The following KCNC4 variants were observed in gnomAD, a reference collection of about 807,000 sequenced individuals.
The protein encoded by KCNC4 is potassium voltage-gated channel subfamily C member 4, also known as voltage-gated potassium channel KCNC4.
Under a neutral mutation model 42.8 loss-of-function variants are expected in KCNC4, and 23 were observed. The ratio of observed to expected loss-of-function variants is 0.54; its 90% CI spans 0.39 to 0.76. The LOEUF (loss-of-function observed/expected upper bound fraction) is 0.76, where lower values mean the gene tolerates loss of function less well. Among genes scored for constraint, KCNC4 ranks in the 30% least tolerant of loss-of-function variants. The pLI is 0.00. For missense variants in KCNC4, 751 were observed against 898.2 expected, an observed-to-expected ratio of 0.84 and a Z score of 2.10; for synonymous variants, 422 against 393.5, an observed-to-expected ratio of 1.07 and a Z score of -0.86.
Position 110,223,699 on chromosome 1 carries a change from G to A in KCNC4, c.1414G>A (p.Val472Ile), listed in dbSNP as rs770301734. 6 of 1,614,056 alleles carry A rather than the reference G, an allele frequency of 3.7e-6. No individual in the cohort carries two copies. Among genetic ancestry groups the A allele is most frequent in the South Asian group, 1.1e-5 (1 of 91,084 alleles). ...CATCGCCATGCCGGTGCCTGTCATC[G>A]TCAACAACTTCGGCATGTACTACTC... is the stretch of plus-strand genomic sequence containing the variant. ...LTIAMPVPVIVNNFGMYYSLA... is the reference protein window; with the variant it reads ...LTIAMPVPVIINNFGMYYSLA... The change falls in exon 2 of 4, where the codon GTC (valine) becomes ATC (isoleucine). Residue 472 changes from valine to isoleucine, a missense_variant. Physicochemically the swap from Val to Ile is conservative, Grantham distance 29. This residue lies in a region of KCNC4 where 185 missense variants were observed against 293.7 expected (regional missense o/e 0.63). Coordinates refer to ENST00000438661, the MANE Select transcript of KCNC4 (RefSeq NM_001039574.3). The surrounding 1 kb of genome is among the most constrained non-coding windows in gnomAD (Gnocchi z 7.5).
downstream of KCNC4, among the ~76,000 whole-genome samples, chr1:110,252,962 T>A (rs189281506): frequency 5.9e-5 from 9 of 152,304 alleles, no homozygotes; most frequent in East Asian, 1.5e-3. Flanking sequence ...CTCCCCAGCG[T>A]ATGTTTGTGA....
chr1:110,241,231 C>G, exon 4 of KCNC4: 1 of 152,280 alleles, frequency 6.6e-6, no homozygotes, highest in East Asian at 1.9e-4. Context: ...TTGCTAACTA[C>G]TGTCCCCTTA....
At chr1:110,250,826 G>A (rs542941482), downstream of KCNC4, among the ~76,000 whole-genome samples, 8 of 152,266 alleles carry the variant, frequency 5.3e-5, no homozygotes, top group South Asian at 2.1e-4. Context: ...GGAGAGGAGC[G>A]GCTGGGGTAG....
chr1:110,239,845 C>T (rs1184820140), exon 4 of KCNC4: 1 of 152,190 alleles, frequency 6.6e-6, no homozygotes, highest in Non-Finnish European at 1.5e-5. Flanking sequence ...CCATTTTCTA[C>T]CTGGTACTTT....
intron 3 of KCNC4, among the ~76,000 whole-genome samples, chr1:110,230,502 G>A (rs1178675575): frequency 1.3e-5 from 2 of 152,300 alleles, no homozygotes; most frequent in Admixed American, 1.3e-4. Flanking sequence ...TCAGGGAACC[G>A]AGGCCGCTAT....
intron 1 of KCNC4, among the ~76,000 whole-genome samples, chr1:110,280,147 A>G (rs1456991710): frequency 2.0e-5 from 3 of 152,070 alleles, no homozygotes; most frequent in Non-Finnish European, 2.9e-5. Context: ...GACCCACTAG[A>G]TGATCACAAT....
intron 1 of KCNC4, among the ~76,000 whole-genome samples, chr1:110,281,956 G>T (rs1659836220): frequency 6.6e-6 from 1 of 152,202 alleles, no homozygotes; most frequent in Admixed American, 6.5e-5. Context: ...TTCCCAGGCT[G>T]CGCTGGCAGA....
At chr1:110,272,371 G>A (rs958565093) in intron 1 of KCNC4, 9 of 152,234 alleles carry the variant, frequency 5.9e-5, no homozygotes, top group African/African-American at 1.9e-4. Context: ...TTAAGAGGCA[G>A]AGATGCTTCT....
In KCNC4 at chr1:110,211,887, C is replaced by G. The variant is rs1304451702; in HGVS notation, c.388C>G (p.Leu130Val). The G allele has an allele frequency of 6.2e-7, 1 of 1,611,698 alleles. No homozygotes were observed. The highest frequency in any genetic ancestry group is 8.5e-7 in the Non-Finnish European group (1 of 1,179,836). ...GTGCGGGCCGCTCTTCGAAGAGGAG[C>G]TCACCTTCTGGGGCATCGACGAGAC... Reference protein sequence around the residue: ...DVCGPLFEEELTFWGIDETDV... With the variant: ...DVCGPLFEEEVTFWGIDETDV... Residue 130 changes from leucine to valine, a missense_variant, in exon 1 of 4, where the codon CTC becomes GTC. This residue lies in a region of KCNC4 where 183 missense variants were observed against 255.8 expected (regional missense o/e 0.72). Coordinates refer to ENST00000438661, the MANE Select transcript of KCNC4 (RefSeq NM_001039574.3). This position sits in a 1 kb window ranked among gnomAD's most constrained non-coding sequence, Gnocchi z 6.5.
chr1:110,270,849 T>G (rs1232463786), intron 1 of KCNC4, among the ~76,000 whole-genome samples: 1 of 152,212 alleles, frequency 6.6e-6, no homozygotes, highest in African/African-American at 2.4e-5. Context: ...TTTCAGCCCC[T>G]GCAGACTGGC....
chr1:110,231,791 A>AG (rs1324008625), intron 3 of KCNC4, among the ~76,000 whole-genome samples: 7 of 152,102 alleles, frequency 4.6e-5, no homozygotes, highest in Admixed American at 2.6e-4. Flanking sequence ...TTGTAGGCAA[A>AG]GGGGCAGTGT....
At chr1:110,262,938 C>T (rs533194007) in intron 1 of KCNC4, among the ~76,000 whole-genome samples, 7 of 152,344 alleles carry the variant, frequency 4.6e-5, no homozygotes, top group African/African-American at 1.7e-4. Context: ...CTCCGCGTAA[C>T]CCCATCACCT....
rs760944501 is a variant in KCNC4, at chr1:110,226,148, T to C, written c.1789T>C (p.Tyr597His). 5 of 1,614,104 alleles carry C rather than the reference T, an allele frequency of 3.1e-6. No homozygotes were observed. The South Asian group carries it at 3.3e-5, about 11-fold the overall frequency. Residue 597 changes from tyrosine (Y) to histidine (H), a missense_variant, in exon 3 of 4, where the codon TAT becomes CAT. Physicochemically the swap from Tyr to His is moderately conservative, Grantham distance 83. This residue lies in a region of KCNC4 where 202 missense variants were observed against 181.5 expected (regional missense o/e 1.11). Coordinates refer to ENST00000438661, the MANE Select transcript of KCNC4 (RefSeq NM_001039574.3). ...CTGCTTCCTGCTCAGCACTGGGGAC[T>C]ATGCCTGCGCCGATGGTAGTGTCCG... ...AACFLLSTGDYACADGSVRKE... is the reference protein window; with the variant it reads ...AACFLLSTGDHACADGSVRKE...
At chr1:110,261,904 C>A (rs761379087) in intron 1 of KCNC4, among the ~76,000 whole-genome samples, 44 of 152,160 alleles carry the variant, frequency 2.9e-4, no homozygotes, top group Non-Finnish European at 8.8e-5. Flanking sequence ...TACAAAACAA[C>A]AAGCATTCCA....
intron 1 of KCNC4, among the ~76,000 whole-genome samples, chr1:110,276,772 C>G (rs1182156884): frequency 6.6e-6 from 1 of 152,158 alleles, no homozygotes; most frequent in Non-Finnish European, 1.5e-5. Flanking sequence ...TTCAACACAT[C>G]TTAGAACAGC....
chr1:110,244,792 C>G (rs1659108868), exon 4 of KCNC4: 1 of 152,198 alleles, frequency 6.6e-6, no homozygotes, highest in African/African-American at 2.4e-5. Flanking sequence ...TGAATGTGGA[C>G]AGGAATTAGG....
At chr1:110,278,960 C>G (rs750125746) in intron 1 of KCNC4, among the ~76,000 whole-genome samples, 1 of 152,136 alleles carries the variant, frequency 6.6e-6, no homozygotes, top group Non-Finnish European at 1.5e-5. Context: ...ATGTCTATTT[C>G]TTTCCTCTTC....
At chr1:110,277,087 T>C (rs1659739929) in intron 1 of KCNC4, among the ~76,000 whole-genome samples, 1 of 152,246 alleles carries the variant, frequency 6.6e-6, no homozygotes. Flanking sequence ...AAATCTAAAT[T>C]TAGCCATCTG....
At chr1:110,232,140 A>C in intron 3 of KCNC4, 1 of 1,375,914 alleles carries the variant, frequency 7.3e-7, no homozygotes, top group South Asian at 1.3e-5. Flanking sequence ...TCCCAGGCTG[A>C]GGGTGGGATC....
Sources: gnomAD v4.1 joint callset for allele counts (sites outside exome capture counted in the v4.1 genomes callset) on GRCh38, gnomAD v4.1.1 for gene constraint, gnomAD v4.1.1 regional missense constraint, Gnocchi (gnomAD v3.1) non-coding constraint, MANE v1.5 for transcripts, NCBI Gene and HGNC (gene_info 2026-07-23, HGNC 2026-07-21) for gene names.